The following DLG2 variants were observed in gnomAD, a reference collection of about 807,000 sequenced individuals.
DLG2 encodes the protein discs large MAGUK scaffold protein 2, also known as disks large homolog 2.
A neutral mutation model predicts 132.5 loss-of-function variants in DLG2; 45 were observed. The observed-to-expected ratio is 0.34, with a 90% CI of 0.27 to 0.44. The LOEUF (loss-of-function observed/expected upper bound fraction) is 0.44, where lower values mean the gene tolerates loss of function less well. Among genes scored for constraint, DLG2 ranks in the 20% least tolerant of loss-of-function variants. DLG2 has a pLI of 1.00. For synonymous variants in DLG2, 424 were observed against 419.6 expected, an observed-to-expected ratio of 1.01 and a Z score of -0.13; for missense variants, 1,045 against 1,196.9, an observed-to-expected ratio of 0.87 and a Z score of 1.87.
chr11:84,224,487 A>G (rs1446574741), intron 8 of DLG2, among the ~76,000 whole-genome samples: 1 of 152,230 alleles, frequency 6.6e-6, no homozygotes, highest in African/African-American at 2.4e-5. Context: ...ATTTCCTAGG[A>G]ATTGGCTGGG....
chr11:84,168,640 G>A (rs1431679325), intron 8 of DLG2, among the ~76,000 whole-genome samples: 3 of 152,148 alleles, frequency 2.0e-5, no homozygotes, highest in Non-Finnish European at 4.4e-5. Flanking sequence ...TTTTTGGATG[G>A]GTTAAACCTG....
chr11:84,980,554 A>T (rs2055593534), intron 6 of DLG2, among the ~76,000 whole-genome samples: 1 of 152,150 alleles, frequency 6.6e-6, no homozygotes. Context: ...TGGAACTAGG[A>T]CCTTCCTAGA....
chr11:84,479,058 G>A (rs1429464368), intron 7 of DLG2, among the ~76,000 whole-genome samples: 1 of 152,000 alleles, frequency 6.6e-6, no homozygotes, highest in Non-Finnish European at 1.5e-5. Context: ...AATCTTGCTG[G>A]AAAATCTTCA....
chr11:85,523,322 C>T (rs1456584103), intron 3 of DLG2, among the ~76,000 whole-genome samples: 2 of 152,152 alleles, frequency 1.3e-5, no homozygotes, highest in South Asian at 2.1e-4. Flanking sequence ...CAGACTAATA[C>T]TCTATCCATC....
At chr11:84,179,152 G>T (rs34490407) in intron 8 of DLG2, among the ~76,000 whole-genome samples, 1 of 152,130 alleles carries the variant, frequency 6.6e-6, no homozygotes, top group African/African-American at 2.4e-5. Flanking sequence ...AATATTAACA[G>T]AGAAATAGAA....
intron 11 of DLG2, among the ~76,000 whole-genome samples, chr11:83,988,673 G>A (rs138840481): frequency 0.018 from 2,674 of 151,992 alleles, 52 homozygotes; most frequent in Middle Eastern, 0.058. Context: ...AGAGTACTCC[G>A]ACATAGTCAT....
At chr11:83,887,432 G>A (rs1009942740) in intron 15 of DLG2, among the ~76,000 whole-genome samples, 3 of 151,866 alleles carry the variant, frequency 2.0e-5, no homozygotes, top group African/African-American at 7.3e-5. Flanking sequence ...ACCAATAACA[G>A]GCTCTGAAAT....
chr11:84,665,550 C>T (rs2099698963), intron 6 of DLG2, among the ~76,000 whole-genome samples: 1 of 152,094 alleles, frequency 6.6e-6, no homozygotes, highest in South Asian at 2.1e-4. Flanking sequence ...ACTTAGAAAA[C>T]TCCTATTCAT....
intron 7 of DLG2, among the ~76,000 whole-genome samples, chr11:84,265,161 CAT>C (rs2097601498): frequency 6.6e-6 from 1 of 152,084 alleles, no homozygotes; most frequent in Non-Finnish European, 1.5e-5. Context: ...TCATCAATAT[CAT>C]GTGGTTCTTC....
At chr11:84,793,492 G>A (rs1274016046) in intron 6 of DLG2, among the ~76,000 whole-genome samples, 1 of 152,224 alleles carries the variant, frequency 6.6e-6, no homozygotes, top group African/African-American at 2.4e-5. Flanking sequence ...AATGTTGACA[G>A]TGGAGTGTTG....
In DLG2 at chr11:84,100,845, A is replaced by G. The variant is rs1347436567; in HGVS notation, c.625-1798T>C. Among the ~76,000 whole-genome samples, 6 of 152,126 alleles carry G rather than the reference A, an allele frequency of 3.9e-5. No homozygotes were observed. In the East Asian group the frequency reaches 9.6e-4, roughly 24 times the overall value. On this transcript the variant is annotated intron_variant, in intron 9 of 27. Transcript: ENST00000376104. ...GCAAATGTCAAGGTAATGTTTAGCA[A>G]TTCTTATTGACTAAATTTATAAAAC...
rs575486294 is a variant in DLG2 at position 83,989,187 on chromosome 11, A to G, written c.920-8545T>C. Among the ~76,000 whole-genome samples the G allele has an allele frequency of 4.1e-4, 62 of 152,238 alleles. 1 individual carries two copies. The South Asian group carries it at 7.2e-3, about 18-fold the overall frequency. Reference sequence around the variant, plus strand: ...GGTAGCTGCAGTCAGTAACTGTATAAGGCATCACATTGCCTCAGGTAAACT... The same window carrying G: ...GGTAGCTGCAGTCAGTAACTGTATAGGGCATCACATTGCCTCAGGTAAACT... On this transcript the variant is annotated intron_variant, in intron 11 of 27. Transcript: ENST00000376104.
At chr11:84,652,036 A>G (rs1005852020) in intron 6 of DLG2, among the ~76,000 whole-genome samples, 2 of 152,178 alleles carry the variant, frequency 1.3e-5, no homozygotes, top group Non-Finnish European at 2.9e-5. Context: ...GAGGGAAGAG[A>G]GGAAAAAAAT....
At chr11:84,923,225 G>C (rs1391622550) in intron 6 of DLG2, 1 of 1,570,100 alleles carries the variant, frequency 6.4e-7, no homozygotes, top group Middle Eastern at 2.2e-4. Context: ...CGTTCCCTCT[G>C]TCAGTTTGAA....
intron 18 of DLG2, among the ~76,000 whole-genome samples, chr11:83,665,572 A>C (rs1298656305): frequency 6.6e-6 from 1 of 152,250 alleles, no homozygotes; most frequent in Non-Finnish European, 1.5e-5. Context: ...AGGGTTAAGC[A>C]AGCTCAAAGG....
intron 9 of DLG2, among the ~76,000 whole-genome samples, chr11:84,148,093 G>T (rs1465452130): frequency 6.6e-6 from 1 of 151,970 alleles, no homozygotes; most frequent in Non-Finnish European, 1.5e-5. Flanking sequence ...CTCTAACAAG[G>T]TCTGAGTTCA....
rs748835269 is a variant in DLG2 at position 83,893,748 on chromosome 11, G to A, written c.1497-19260C>T. Among the ~76,000 whole-genome samples the A allele has an allele frequency of 1.6e-3, 247 of 152,286 alleles. 1 individual carries two copies. The highest frequency in any genetic ancestry group is 2.9e-3 in the Non-Finnish European group (195 of 68,006). ...CTTACTGAGAATTCTTTAATGCCAT[G>A]ATTCCAGTCAAAAATCATTGTTTTC... On this transcript the variant is annotated intron_variant, in intron 15 of 27. Coordinates refer to ENST00000376104, the MANE Select transcript of DLG2 (RefSeq NM_001142699.3).
intron 12 of DLG2, among the ~76,000 whole-genome samples, chr11:83,975,796 T>A (rs2092119412): frequency 6.6e-6 from 1 of 151,970 alleles, no homozygotes; most frequent in Admixed American, 6.6e-5. Flanking sequence ...GAATTAGTCT[T>A]CACCTTTTTG....
chr11:83,744,205 T>A (rs1338799016), intron 18 of DLG2, among the ~76,000 whole-genome samples: 3 of 152,224 alleles, frequency 2.0e-5, no homozygotes, highest in African/African-American at 7.2e-5. Flanking sequence ...AGATTTCAAG[T>A]ATTGCAGTGT....
Sources: allele counts gnomAD v4.1 joint callset (sites outside exome capture counted in the v4.1 genomes callset), GRCh38; gene constraint gnomAD v4.1.1; transcripts MANE v1.5; gene names NCBI Gene and HGNC (gene_info 2026-07-23, HGNC 2026-07-21).